The following PNKD variants were observed in gnomAD, a reference collection of about 807,000 sequenced individuals.
PNKD encodes PNKD metallo-beta-lactamase domain containing.
Under a neutral mutation model 45.3 loss-of-function variants are expected in PNKD, and 36 were observed. That is an observed-to-expected ratio of 0.80 (90% CI 0.61 to 1.05). The LOEUF is 1.05. Ranked by LOEUF, PNKD falls within the 50% of genes least tolerant of loss-of-function variation. The probability of loss-of-function intolerance (pLI) is 0.00; values close to 1 mark genes in which losing one functional copy is unlikely to be tolerated. For missense variants in PNKD, 511 were observed against 506.6 expected (o/e 1.01, Z -0.08); for synonymous variants, 197 against 210.1 (o/e 0.94, Z 0.54).
At chr2:218,285,933 A>G (rs915190884) in intron 2 of PNKD, 3 of 154,708 alleles carry the variant, frequency 1.9e-5, no homozygotes, top group Non-Finnish European at 4.4e-5. Flanking sequence ...TGGGGCTGGC[A>G]TCTGCCTAGG....
intron 2 of PNKD, chr2:218,280,175 G>T: frequency 7.3e-7 from 1 of 1,367,998 alleles, no homozygotes; most frequent in Non-Finnish European, 1.0e-6. Flanking sequence ...GACATGTGGC[G>T]TCAATCCCAA....
chr2:218,272,966 G>A (rs1189488903), intron 2 of PNKD: 1 of 1,426,262 alleles, frequency 7.0e-7, no homozygotes, highest in Non-Finnish European at 9.2e-7. Context: ...GGGTTTGTGA[G>A]TCCCTTGGGA....
In PNKD at chr2:218,271,536, G is replaced by T; in HGVS notation, c.223G>T (p.Val75Leu). 6.2e-7 allele frequency: 1 copy of T among 1,614,218 alleles called. No homozygotes were observed. The highest frequency in any genetic ancestry group is 8.5e-7 in the Non-Finnish European group (1 of 1,180,020). The change falls in exon 2 of 10, where the codon GTG (valine) becomes TTG (leucine). Residue 75 changes from valine (V) to leucine (L), a missense_variant. Coordinates refer to ENST00000273077, the MANE Select transcript of PNKD (RefSeq NM_015488.5). ...RKRGKNPMKA[V>L]GLAWYSLYTR... ...GAGGGGCAAGAACCCCATGAAAGCT[G>T]TGGGACTGGCCTGGTGAGTTTTAAC...
rs147200078 is a variant in PNKD, at chr2:218,326,690, C to T, written c.237-13093C>T. Among the ~76,000 whole-genome samples the T allele has an allele frequency of 1.6e-3, 242 of 152,226 alleles. 1 individual carries two copies. Among genetic ancestry groups the T allele is most frequent in the African/African-American group, 5.5e-3 (230 of 41,532 alleles). ...TCTATGGCCCTGTGTCCTTCTGGAG[C>T]TTCCTTACTTAATTCCACCCCTGTC... On this transcript the variant is annotated intron_variant, in intron 2 of 9. Transcript: ENST00000273077. The surrounding 1 kb of genome is among the most constrained non-coding windows in gnomAD (Gnocchi z 4.1).
intron 2 of PNKD, among the ~76,000 whole-genome samples, chr2:218,325,050 C>A (rs1694108852): frequency 8.1e-6 from 1 of 123,950 alleles, no homozygotes; most frequent in Non-Finnish European, 1.6e-5. Flanking sequence ...CTCTGTCACC[C>A]AGGCTGGAAT....
intron 8 of PNKD, among the ~76,000 whole-genome samples, chr2:218,344,021 A>G (rs1337882656): frequency 6.6e-6 from 1 of 152,214 alleles, no homozygotes; most frequent in African/African-American, 2.4e-5. Flanking sequence ...TCATTCATTC[A>G]TTCATCAAGT....
chr2:218,278,642 G>A (rs1197477820), intron 2 of PNKD: 2 of 1,530,962 alleles, frequency 1.3e-6, no homozygotes, highest in African/African-American at 2.7e-5. Context: ...CCAGTGATTT[G>A]GGGCCCAAAT....
intron 2 of PNKD, chr2:218,272,617 G>T: frequency 6.2e-7 from 1 of 1,614,116 alleles, no homozygotes; most frequent in East Asian, 2.2e-5. Flanking sequence ...CTCACCAAGC[G>T]GGAAGTGGAC....
At chr2:218,279,492 G>T in intron 2 of PNKD, 1 of 660,676 alleles carries the variant, frequency 1.5e-6, no homozygotes, top group Non-Finnish European at 2.5e-6. Context: ...CCAGTGAGAT[G>T]CCTGGCTCAG....
intron 2 of PNKD, among the ~76,000 whole-genome samples, chr2:218,282,510 G>A (rs947435492): frequency 2.6e-5 from 4 of 152,246 alleles, no homozygotes; most frequent in Non-Finnish European, 5.9e-5. Flanking sequence ...AAACCTTCCA[G>A]TTTTGGTGGC....
chr2:218,334,546 A>G (rs1694433169), intron 2 of PNKD, among the ~76,000 whole-genome samples: 1 of 152,202 alleles, frequency 6.6e-6, no homozygotes, highest in Non-Finnish European at 1.5e-5. Context: ...CCAACTACTC[A>G]GGAGGCTGAG....
At chr2:218,308,690 G>A (rs1693494434) in intron 2 of PNKD, among the ~76,000 whole-genome samples, 1 of 151,326 alleles carries the variant, frequency 6.6e-6, no homozygotes, top group Non-Finnish European at 1.5e-5. Context: ...GGGTTCAAGC[G>A]ATTCTCCTGC....
At chr2:218,284,521 G>A (rs773441151) in intron 2 of PNKD, among the ~76,000 whole-genome samples, 8 of 152,254 alleles carry the variant, frequency 5.3e-5, no homozygotes, top group Non-Finnish European at 1.0e-4. Flanking sequence ...AGGTTCTGGT[G>A]CAGCTCAGCG....
At chr2:218,336,788 CTTTTTTTT>C (rs71064439) in intron 2 of PNKD, among the ~76,000 whole-genome samples, 2 of 29,174 alleles carry the variant, frequency 6.9e-5, no homozygotes, top group Admixed American at 5.9e-4. Flanking sequence ...GCCTTCAATT[CTTTTTTTT>C]TTTTTTTTTT....
intron 2 of PNKD, chr2:218,277,481 G>C (rs779359784): frequency 6.2e-7 from 1 of 1,612,712 alleles, no homozygotes; most frequent in South Asian, 1.1e-5. Flanking sequence ...TTACAGACAA[G>C]AGGCATTAAG....
intron 8 of PNKD, 31 bp downstream of exon 8, chr2:218,343,617 C>T (rs370436105): frequency 7.6e-5 from 117 of 1,529,950 alleles, no homozygotes; most frequent in Admixed American, 1.3e-4. Flanking sequence ...TCCCCATCCT[C>T]CAGCCCCACG....
At chr2:218,281,141 G>GTTTTTTTTTTGTTTT in intron 2 of PNKD, 1 of 95,702 alleles carries the variant, frequency 1.0e-5, no homozygotes, top group Non-Finnish European at 1.8e-5. Context: ...TTTTTTTTTG[G>GTTTTTTTTTTGTTTT]TTTTTTTTTT....
intron 2 of PNKD, chr2:218,279,507 A>T (rs4674282): frequency 0.37 from 219,565 of 590,460 alleles, 41,988 homozygotes; most frequent in Middle Eastern, 0.49. Context: ...GCTCAGAGGC[A>T]ATGTGCACTT....
Position 218,340,289 on chromosome 2 carries a change from G to A in PNKD, c.465+148G>A. 3 of 651,242 alleles carry A rather than the reference G, an allele frequency of 4.6e-6. No homozygotes were observed. The highest frequency in any genetic ancestry group is 8.4e-6 in the Non-Finnish European group (3 of 359,150). The allele number at this position is 651,242 out of a possible 1,614,324, so 40.3% of individuals were successfully genotyped here. On this transcript the variant is annotated intron_variant, in intron 4 of 9. Transcript: ENST00000273077. The surrounding 1 kb of genome is among the most constrained non-coding windows in gnomAD (Gnocchi z 4.2). Reference sequence around the variant, plus strand: ...TCACACGTGCACATGCGCACACATAGCCTGGGGAAGGGGGGTACAGGGCAT... The same window carrying A: ...TCACACGTGCACATGCGCACACATAACCTGGGGAAGGGGGGTACAGGGCAT...
Sources: gnomAD v4.1 joint callset for allele counts (sites outside exome capture counted in the v4.1 genomes callset) on GRCh38, gnomAD v4.1.1 for gene constraint, Gnocchi (gnomAD v3.1) non-coding constraint, MANE v1.5 for transcripts, NCBI Gene and HGNC (gene_info 2026-07-23, HGNC 2026-07-21) for gene names.